The following ITPR2 variants were observed in gnomAD, a reference collection of about 807,000 sequenced individuals.
ITPR2 encodes the protein inositol 1,4,5-trisphosphate receptor type 2.
In ITPR2, 207 loss-of-function variants were observed where a neutral mutation model predicts 317.1. That is an observed-to-expected ratio of 0.65 (90% CI 0.58 to 0.73). The LOEUF (loss-of-function observed/expected upper bound fraction) is 0.73. ITPR2 is among the 30% of genes least tolerant of loss of function. The pLI is 0.00. For missense variants in ITPR2, 2,613 were observed against 3,284.0 expected, an observed-to-expected ratio of 0.80 and a Z score of 4.99; for synonymous variants, 1,156 against 1,149.1, an observed-to-expected ratio of 1.01 and a Z score of -0.12.
intron 21 of ITPR2, among the ~76,000 whole-genome samples, chr12:26,639,082 T>C (rs577409328): frequency 2.8e-4 from 43 of 152,218 alleles, no homozygotes; most frequent in Admixed American, 2.0e-3. Context: ...ATAAATTAGA[T>C]TGAGTCATAA....
At chr12:26,684,292 C>A (rs1328790758) in intron 11 of ITPR2, among the ~76,000 whole-genome samples, 1 of 152,168 alleles carries the variant, frequency 6.6e-6, no homozygotes, top group Non-Finnish European at 1.5e-5. Flanking sequence ...AGTGGAATCA[C>A]TTGGGTAATA....
intron 35 of ITPR2, among the ~76,000 whole-genome samples, chr12:26,558,616 C>G (rs1352099528): frequency 1.3e-5 from 2 of 152,222 alleles, no homozygotes; most frequent in African/African-American, 4.8e-5. Context: ...TGACATCACA[C>G]TTTATTTTCC....
rs746664149 is a variant in ITPR2 at position 26,419,064 on chromosome 12, G to A, written c.7095C>T (p.Phe2365=). ...ATGTACTCACCAGGAAGCTATAGAA[G>A]AATTCATGGACAAAAAGGCCCAGCA... is the stretch of plus-strand genomic sequence containing the variant. ...VCMLGLFVHE[F]FYSFLLFDLV... The change falls in exon 50 of 57, where the codon TTC becomes TTT. Residue 2365 remains phenylalanine (F), a synonymous_variant. Coordinates refer to ENST00000381340, the MANE Select transcript of ITPR2 (RefSeq NM_002223.4). The A allele has an allele frequency of 1.9e-6, 3 of 1,613,352 alleles. No homozygotes were observed. The Admixed American group carries it at 5.0e-5, about 27-fold the overall frequency.
At chr12:26,581,775 C>G (rs1461722426) in intron 32 of ITPR2, among the ~76,000 whole-genome samples, 1 of 152,158 alleles carries the variant, frequency 6.6e-6, no homozygotes, top group East Asian at 1.9e-4. Context: ...CTTCCTAACA[C>G]TGGCTTTACA....
At chr12:26,347,163 T>A (rs1285224438) in intron 55 of ITPR2, among the ~76,000 whole-genome samples, 1 of 152,206 alleles carries the variant, frequency 6.6e-6, no homozygotes, top group Non-Finnish European at 1.5e-5. Context: ...TCTTATATAA[T>A]CTATCCCTAT....
At chr12:26,491,610 G>C (rs982289814) in intron 39 of ITPR2, among the ~76,000 whole-genome samples, 3 of 152,014 alleles carry the variant, frequency 2.0e-5, no homozygotes, top group Non-Finnish European at 2.9e-5. Flanking sequence ...GAAAAGATAA[G>C]GAGAATCTGT....
chr12:26,628,163 C>G lies in ITPR2; in HGVS notation c.2935-1G>C, dbSNP rs1396766351. On this transcript the variant is annotated splice_acceptor_variant, in intron 22 of 56. Coordinates refer to ENST00000381340, the MANE Select transcript of ITPR2 (RefSeq NM_002223.4). LOFTEE classifies it high-confidence loss of function. Reference sequence around the variant, plus strand: ...AATCCAGTCTGACACTCAGGATAAACTATAAGAAACATTAAGAACAACATA... The same window carrying G: ...AATCCAGTCTGACACTCAGGATAAAGTATAAGAAACATTAAGAACAACATA... 6.3e-7 allele frequency: 1 copy of G among 1,583,682 alleles called. No homozygotes were observed. Among genetic ancestry groups the G allele is most frequent in the Non-Finnish European group, 8.6e-7 (1 of 1,165,146 alleles).
intron 37 of ITPR2, among the ~76,000 whole-genome samples, chr12:26,500,930 C>T (rs1032048459): frequency 2.0e-5 from 3 of 152,228 alleles, no homozygotes; most frequent in Non-Finnish European, 4.4e-5. Flanking sequence ...TAGCTACCCA[C>T]ATTCATTCCC....
intron 37 of ITPR2, among the ~76,000 whole-genome samples, chr12:26,499,323 T>C (rs1329376401): frequency 6.6e-6 from 1 of 152,208 alleles, no homozygotes; most frequent in Non-Finnish European, 1.5e-5. Flanking sequence ...GAAGCATCTA[T>C]TTCCTCACCA....
rs368741170 is a variant in ITPR2 at position 26,661,270 on chromosome 12, GTGTGT to G, written c.1714-1990_1714-1986del. ...GAGTGATATGACTAGGTAGGGGTGT[GTGTGT>G]GGGGGGGGGGGGGTGGGAGGGAACG... On this transcript the variant is annotated intron_variant, in intron 15 of 56. Coordinates refer to ENST00000381340, the MANE Select transcript of ITPR2 (RefSeq NM_002223.4). Among the ~76,000 whole-genome samples, 318 of 75,556 alleles carry G rather than the reference GTGTGT, an allele frequency of 4.2e-3. 4 individuals are homozygous for G. The highest frequency in any genetic ancestry group is 0.022 in the East Asian group (25 of 1,140). The allele number at this position is 75,556 out of a possible 152,430, so 49.6% of individuals were successfully genotyped here.
intron 37 of ITPR2, among the ~76,000 whole-genome samples, chr12:26,511,826 A>C (rs1943355393): frequency 6.6e-6 from 1 of 152,192 alleles, no homozygotes; most frequent in African/African-American, 2.4e-5. Flanking sequence ...ATAGCTACAA[A>C]TCAAGTCTTG....
chr12:26,804,757 A>G (rs1950613442), intron 1 of ITPR2, among the ~76,000 whole-genome samples: 1 of 152,170 alleles, frequency 6.6e-6, no homozygotes, highest in Non-Finnish European at 1.5e-5. Flanking sequence ...TTATTTTGAG[A>G]CAAGGTCTCT....
At chr12:26,375,923 A>G (rs1056812987) in intron 55 of ITPR2, among the ~76,000 whole-genome samples, 1 of 151,672 alleles carries the variant, frequency 6.6e-6, no homozygotes, top group East Asian at 1.9e-4. Flanking sequence ...ACATGGAAAA[A>G]CCCCGCCTCA....
chr12:26,410,858 G>GCTCT (rs1940524384), intron 52 of ITPR2, among the ~76,000 whole-genome samples: 1 of 152,180 alleles, frequency 6.6e-6, no homozygotes, highest in African/African-American at 2.4e-5. Flanking sequence ...TCTCTCTAGA[G>GCTCT]AGAGAGAGAT....
intron 37 of ITPR2, among the ~76,000 whole-genome samples, chr12:26,543,478 G>T (rs1944313704): frequency 6.6e-6 from 1 of 152,070 alleles, no homozygotes; most frequent in African/African-American, 2.4e-5. Flanking sequence ...TAAGGATAGA[G>T]AATTTTAGAA....
intron 54 of ITPR2, among the ~76,000 whole-genome samples, chr12:26,394,262 T>C (rs184432887): frequency 1.2e-3 from 185 of 152,298 alleles, no homozygotes; most frequent in African/African-American, 4.0e-3. Context: ...ACTACTTGTC[T>C]ATAAAGTTCA....
intron 45 of ITPR2, among the ~76,000 whole-genome samples, chr12:26,472,728 T>C (rs1334555731): frequency 6.6e-6 from 1 of 152,234 alleles, no homozygotes; most frequent in African/African-American, 2.4e-5. Context: ...ATCTTCATTT[T>C]GAATTTATTT....
chr12:26,809,419 T>C (rs532813874), intron 1 of ITPR2, among the ~76,000 whole-genome samples: 1 of 152,348 alleles, frequency 6.6e-6, no homozygotes, highest in East Asian at 1.9e-4. Flanking sequence ...ATGTACACAA[T>C]GAATTTTTTT....
chr12:26,716,176 T>C lies in ITPR2; in HGVS notation c.592A>G (p.Ile198Val). 1 of 1,613,424 alleles carries C rather than the reference T, an allele frequency of 6.2e-7. No homozygotes were observed. Among genetic ancestry groups the C allele is most frequent in the Non-Finnish European group, 8.5e-7 (1 of 1,179,500 alleles). ...CACCCTGGGTTATCAAGAAGCTCTA[T>C]GTTGCTGGCATGTAGTGGCTGCCCT... Reference protein sequence around the residue: ...NAGQPLHASNIELLDNPGCKE... With the variant: ...NAGQPLHASNVELLDNPGCKE... The change falls in exon 6 of 57, where the codon ATA becomes GTA. Residue 198 changes from isoleucine (I) to valine (V), a missense_variant. Physicochemically the swap from Ile to Val is conservative, Grantham distance 29. Around this residue, in one of 9 missense-constraint regions of ITPR2, gnomAD observed 515 missense variants for 789.4 expected, o/e 0.65. Coordinates refer to ENST00000381340, the MANE Select transcript of ITPR2 (RefSeq NM_002223.4).
Sources: gnomAD v4.1 joint callset for allele counts (sites outside exome capture counted in the v4.1 genomes callset) on GRCh38, gnomAD v4.1.1 for gene constraint, gnomAD v4.1.1 regional missense constraint, MANE v1.5 for transcripts, NCBI Gene and HGNC (gene_info 2026-07-23, HGNC 2026-07-21) for gene names.